Variants in AP3B1 observed in about 807,000 individuals in gnomAD.
AP3B1 encodes the protein AP-3 complex subunit beta-1.
AP3B1 carries 61 observed loss-of-function variants against 132.5 expected under a neutral mutation model. The ratio of observed to expected loss-of-function variants is 0.46; its 90% CI spans 0.37 to 0.57. The LOEUF is 0.57. Among genes scored for constraint, AP3B1 ranks in the 20% least tolerant of loss-of-function variants. The probability of loss-of-function intolerance (pLI) is 0.00; values close to 1 mark genes in which losing one functional copy is unlikely to be tolerated. For missense variants in AP3B1, 1,120 were observed against 1,289.4 expected (o/e 0.87, Z 2.01); for synonymous variants, 388 against 438.3 (o/e 0.89, Z 1.43).
At chr5:78,140,679 C>T (rs1002258983) in intron 15 of AP3B1, among the ~76,000 whole-genome samples, 2 of 152,174 alleles carry the variant, frequency 1.3e-5, no homozygotes, top group Non-Finnish European at 2.9e-5. Context: ...ACCACATGAA[C>T]TTTGGGGGAT....
At chr5:78,137,137 G>A (rs781549608) in intron 15 of AP3B1, among the ~76,000 whole-genome samples, 10 of 152,014 alleles carry the variant, frequency 6.6e-5, no homozygotes, top group Non-Finnish European at 1.3e-4. Context: ...AGATACATTT[G>A]GACATTAAGA....
chr5:78,154,414 G>T (rs934086296), intron 14 of AP3B1, among the ~76,000 whole-genome samples: 1 of 151,966 alleles, frequency 6.6e-6, no homozygotes, highest in Non-Finnish European at 1.5e-5. Flanking sequence ...ATTATTAAAT[G>T]TCTCGAGGTA....
At chr5:78,258,926 A>C (rs1747960886) in intron 2 of AP3B1, among the ~76,000 whole-genome samples, 1 of 152,188 alleles carries the variant, frequency 6.6e-6, no homozygotes, top group Non-Finnish European at 1.5e-5. Flanking sequence ...TGTTAAGTGA[A>C]ATAAACCAGG....
chr5:78,087,173 T>C (rs987592484), intron 22 of AP3B1, among the ~76,000 whole-genome samples: 1 of 152,216 alleles, frequency 6.6e-6, no homozygotes, highest in Admixed American at 6.5e-5. Context: ...TTTAAAATTA[T>C]AGATGTACTC....
intron 7 of AP3B1, among the ~76,000 whole-genome samples, chr5:78,209,919 T>C (rs1280574589): frequency 6.6e-6 from 1 of 152,096 alleles, no homozygotes; most frequent in Non-Finnish European, 1.5e-5. Flanking sequence ...TTCCAATCAA[T>C]AGGAATAAAT....
chr5:78,083,711 T>C (rs34452152), intron 22 of AP3B1, among the ~76,000 whole-genome samples: 3 of 152,214 alleles, frequency 2.0e-5, no homozygotes, highest in Non-Finnish European at 4.4e-5. Flanking sequence ...ATATTTATTA[T>C]AGAGTTATTA....
At chr5:78,288,975 G>A (rs1749397625) in intron 1 of AP3B1, among the ~76,000 whole-genome samples, 1 of 147,908 alleles carries the variant, frequency 6.8e-6, no homozygotes, top group South Asian at 2.1e-4. Flanking sequence ...ATATGGTACA[G>A]ACACTAGATA....
intron 11 of AP3B1, among the ~76,000 whole-genome samples, chr5:78,173,802 C>T (rs538972109): frequency 3.3e-5 from 5 of 152,194 alleles, no homozygotes; most frequent in Non-Finnish European, 7.4e-5. Flanking sequence ...CCATTCTCCC[C>T]GTCACTTTCA....
rs780415780 is a variant in AP3B1 at position 78,162,916 on chromosome 5, T to A, written c.1266A>T (p.Ala422=). The change falls in exon 13 of 27, where the codon GCA becomes GCT. Residue 422 remains alanine (A), a synonymous_variant. Transcript: ENST00000255194. ...YVKSQDKQFA[A]ATIQTIGRCA... ...ATCTGCCTATAGTCTGAATAGTGGC[T>A]GCTGCAAATTGTTTATCCTGGCTTT... 1.2e-6 allele frequency: 2 copies of A among 1,613,804 alleles called. No homozygotes were observed. The highest frequency in any genetic ancestry group is 1.1e-5 in the South Asian group (1 of 91,080).
intron 22 of AP3B1, among the ~76,000 whole-genome samples, chr5:78,053,964 T>C (rs1748700030): frequency 6.6e-6 from 1 of 152,200 alleles, no homozygotes; most frequent in African/African-American, 2.4e-5. Flanking sequence ...AAATTGGTTT[T>C]ATACATAGCA....
intron 11 of AP3B1, among the ~76,000 whole-genome samples, chr5:78,171,242 T>G (rs187702114): frequency 6.6e-6 from 1 of 152,294 alleles, no homozygotes; most frequent in East Asian, 1.9e-4. Flanking sequence ...CATATGAACT[T>G]TAAAGTAGTT....
chr5:78,129,285 A>G lies in AP3B1; in HGVS notation c.1673T>C (p.Ile558Thr), dbSNP rs1334353127. 1 of 1,612,834 alleles carries G rather than the reference A, an allele frequency of 6.2e-7. No individual in the cohort carries two copies. Among genetic ancestry groups the G allele is most frequent in the Non-Finnish European group, 8.5e-7 (1 of 1,179,072 alleles). Reference sequence around the variant, plus strand: ...TTGATCATACTTGCCGAGATTTAATATGTACTGGGTAAGCAATTTTGTCTG... The same window carrying G: ...TTGATCATACTTGCCGAGATTTAATGTGTACTGGGTAAGCAATTTTGTCTG... ...SKQTKLLTQYILNLGKYDQNY... is the reference protein window; with the variant it reads ...SKQTKLLTQYTLNLGKYDQNY... Residue 558 changes from isoleucine (I) to threonine (T), a missense_variant, in exon 16 of 27, where the codon ATA becomes ACA. Ile to Thr is a moderately conservative substitution (Grantham distance 89, BLOSUM62 -1). This residue lies in a region of AP3B1 where 906 missense variants were observed against 997.1 expected (regional missense o/e 0.91). Coordinates refer to ENST00000255194, the MANE Select transcript of AP3B1 (RefSeq NM_003664.5).
intron 6 of AP3B1, among the ~76,000 whole-genome samples, chr5:78,219,920 C>CA (rs1746109968): frequency 6.6e-6 from 1 of 151,966 alleles, no homozygotes; most frequent in Non-Finnish European, 1.5e-5. Context: ...ATAATGATCC[C>CA]AAAAAACTGC....
chr5:78,067,411 T>G (rs1224017890), intron 22 of AP3B1, among the ~76,000 whole-genome samples: 3 of 152,120 alleles, frequency 2.0e-5, no homozygotes, highest in Non-Finnish European at 2.9e-5. Flanking sequence ...CAGCTCCGGA[T>G]CAAGTGGATC....
intron 7 of AP3B1, among the ~76,000 whole-genome samples, chr5:78,204,143 C>T (rs546088640): frequency 6.6e-6 from 1 of 152,162 alleles, no homozygotes; most frequent in East Asian, 1.9e-4. Flanking sequence ...TCTTTACATT[C>T]CTCATCGTTT....
intron 22 of AP3B1, among the ~76,000 whole-genome samples, chr5:78,079,337 TAAAACCC>T (rs975787304): frequency 6.6e-6 from 1 of 152,118 alleles, no homozygotes; most frequent in African/African-American, 2.4e-5. Flanking sequence ...TTTACAGAAA[TAAAACCC>T]TCATTAATCT....
At chr5:78,084,682 T>C (rs911494434) in intron 22 of AP3B1, among the ~76,000 whole-genome samples, 41 of 151,974 alleles carry the variant, frequency 2.7e-4, no homozygotes, top group African/African-American at 9.7e-4. Context: ...AATAGATGTA[T>C]TACATCTTGA....
intron 22 of AP3B1, among the ~76,000 whole-genome samples, chr5:78,047,355 C>G (rs1378445069): frequency 6.6e-6 from 1 of 152,178 alleles, no homozygotes; most frequent in Non-Finnish European, 1.5e-5. Context: ...ACATCCTCTC[C>G]AGCATCTGTT....
chr5:78,189,247 T>A (rs1268782179), intron 7 of AP3B1, among the ~76,000 whole-genome samples: 1 of 152,056 alleles, frequency 6.6e-6, no homozygotes, highest in African/African-American at 2.4e-5. Context: ...ATAAAATTAT[T>A]TAAAAAAAAA....
Sources: gnomAD v4.1 joint callset for allele counts (sites outside exome capture counted in the v4.1 genomes callset) on GRCh38, gnomAD v4.1.1 for gene constraint, gnomAD v4.1.1 regional missense constraint, MANE v1.5 for transcripts, NCBI Gene and HGNC (gene_info 2026-07-23, HGNC 2026-07-21) for gene names.